Variants in RHPN1 observed in about 807,000 individuals in gnomAD.
RHPN1 encodes rhophilin-1.
Under a neutral mutation model 74.7 loss-of-function variants are expected in RHPN1, and 77 were observed. The observed-to-expected ratio is 1.03, with a 90% CI of 0.86 to 1.25. RHPN1 has a LOEUF of 1.25. Ranked by LOEUF, RHPN1 falls within the 50% of genes most tolerant of loss-of-function variation. The pLI, the probability that RHPN1 is intolerant of heterozygous loss-of-function variation, is 0.00. For synonymous variants in RHPN1, 444 were observed against 414.5 expected (o/e 1.07, Z -0.87); for missense variants, 987 against 932.2 (o/e 1.06, Z -0.77).
rs754081765 is a variant in RHPN1, at chr8:143,380,712, C to T, written c.1340C>T (p.Ser447Leu). 16 of 1,593,318 alleles carry T rather than the reference C, an allele frequency of 1.0e-5. No individual in the cohort carries two copies. Among genetic ancestry groups the T allele is most frequent in the African/African-American group, 1.3e-5 (1 of 74,694 alleles). ...RAVISQTLQRSLAKYAELDRE... is the reference protein window; with the variant it reads ...RAVISQTLQRLLAKYAELDRE... Reference sequence around the variant, plus strand: ...GTGATCTCCCAGACGCTGCAGCGCTCACTGGCCAAGTATGCGGAGCTCGAC... The same window carrying T: ...GTGATCTCCCAGACGCTGCAGCGCTTACTGGCCAAGTATGCGGAGCTCGAC... Residue 447 changes from serine to leucine, a missense_variant, in exon 11 of 15, where the codon TCA becomes TTA. Ser to Leu is a moderately radical substitution (Grantham distance 145). Coordinates refer to ENST00000289013, the MANE Select transcript of RHPN1 (RefSeq NM_052924.3).
chr8:143,375,504 G>T, intron 1 of RHPN1, 49 bp from the exon 2 acceptor site: 1 of 1,361,088 alleles, frequency 7.3e-7, no homozygotes, highest in Non-Finnish European at 1.0e-6. Context: ...GCGCAGCCTG[G>T]TGCGGGCGCC....
At chr8:143,371,080 G>C (rs1364333195) in intron 1 of RHPN1, among the ~76,000 whole-genome samples, 1 of 152,174 alleles carries the variant, frequency 6.6e-6, no homozygotes, top group Non-Finnish European at 1.5e-5. Context: ...CCAGGAAGAG[G>C]GGTGCTCAGG....
At chr8:143,368,158 G>A (rs763528915), upstream of RHPN1, 2 of 153,834 alleles carry the variant, frequency 1.3e-5, no homozygotes, top group Non-Finnish European at 2.9e-5. Flanking sequence ...GGGTTCCAGA[G>A]GCAGGTGCTA....
intron 1 of RHPN1, chr8:143,374,403 A>G (rs1000410340): frequency 1.2e-6 from 1 of 827,104 alleles, no homozygotes; most frequent in Non-Finnish European, 1.5e-6. Context: ...GAGCCACCAG[A>G]GGCCTTGTCT....
chr8:143,383,313 C>T lies in RHPN1; in HGVS notation c.*662C>T, dbSNP rs1174597744. On this transcript the variant is annotated 3_prime_UTR_variant, in exon 15 of 15. Transcript: ENST00000289013. ...CCCAGGTCTCATGGTGGCCCTAAGC[C>T]TGCCAGCCCTGCTGCCCGCCTTGCT... 1 of 152,696 alleles carries T rather than the reference C, an allele frequency of 6.5e-6. No homozygotes were observed. Among genetic ancestry groups the T allele is most frequent in the Non-Finnish European group, 1.5e-5 (1 of 68,412 alleles). 9.5% of individuals were successfully genotyped at this position (152,696 alleles called of 1,614,324 possible).
intron 5 of RHPN1, 91 bp downstream of exon 5, chr8:143,378,437 C>G: frequency 8.9e-7 from 1 of 1,125,372 alleles, no homozygotes; most frequent in Non-Finnish European, 1.3e-6. Context: ...CAGAGGAGCT[C>G]AGCGTAGACA....
At chr8:143,378,382 C>A (rs952267678) in intron 5 of RHPN1, 36 bp downstream of exon 5, 2 of 1,435,308 alleles carry the variant, frequency 1.4e-6, no homozygotes, top group Non-Finnish European at 1.9e-6. Flanking sequence ...CCTCCTGCAG[C>A]CCTGGGAGAC....
upstream of RHPN1, among the ~76,000 whole-genome samples, chr8:143,366,001 C>CA (rs530970414): frequency 0.09 from 6,750 of 74,776 alleles, 576 homozygotes; most frequent in African/African-American, 0.27. Context: ...CACCCTGTCT[C>CA]AAAAAAAAAA....
rs1004411994 is a variant in RHPN1, at chr8:143,380,164, G to A, written c.1205G>A (p.Arg402His). The change falls in exon 10 of 15, where the codon CGC (arginine) becomes CAC (histidine). Residue 402 changes from arginine to histidine, a missense_variant. By Grantham distance (29) the Arg-to-His change is conservative. Transcript: ENST00000289013. ...GTGCTGCCGCAGGAGCTGGAGGAGC[G>A]CAGGCAGCTTGGTAAGGCGCCCATG... ...GPVLPQELEE[R>H]RQLGKAHLKR... is the part of the protein sequence containing the mutation. 1.6e-5 allele frequency: 24 copies of A among 1,542,178 alleles called. No individual in the cohort carries two copies. Among genetic ancestry groups the A allele is most frequent in the African/African-American group, 2.7e-5 (2 of 73,076 alleles).
rs1818229590 is a variant in RHPN1 at position 143,376,538 on chromosome 8, A to C, written c.190A>C (p.Asn64His). 1 of 1,612,258 alleles carries C rather than the reference A, an allele frequency of 6.2e-7. No homozygotes were observed. Among genetic ancestry groups the C allele is most frequent in the Admixed American group, 1.7e-5 (1 of 59,962 alleles). ...GGCCTCCCTCAGAGCCACCAGCAACAACCGGGTGAGAGAGACGGTCGCCCT... is the reference window on the plus strand; with the variant it reads ...GGCCTCCCTCAGAGCCACCAGCAACCACCGGGTGAGAGAGACGGTCGCCCT... ...AENLYRATSNNRVRETVALEL... is the reference protein window; with the variant it reads ...AENLYRATSNHRVRETVALEL... Residue 64 changes from asparagine to histidine, a missense_variant, in exon 3 of 15, where the codon AAC becomes CAC. Coordinates refer to ENST00000289013, the MANE Select transcript of RHPN1 (RefSeq NM_052924.3).
chr8:143,366,285 C>T (rs568854827), upstream of RHPN1, among the ~76,000 whole-genome samples: 14 of 152,300 alleles, frequency 9.2e-5, no homozygotes, highest in Admixed American at 2.0e-4. Flanking sequence ...AAATTCTCCT[C>T]TACTTTCTCA....
At chr8:143,365,586 C>T (rs961833426), upstream of RHPN1, among the ~76,000 whole-genome samples, 2 of 152,230 alleles carry the variant, frequency 1.3e-5, no homozygotes, top group Non-Finnish European at 2.9e-5. Flanking sequence ...GGTCTTCACC[C>T]AGGACATGTG....
chr8:143,378,203 G>A, intron 4 of RHPN1, 66 bp from the exon 5 acceptor site: 6 of 1,334,396 alleles, frequency 4.5e-6, no homozygotes, highest in Non-Finnish European at 6.3e-6. Context: ...AAGGTGGGTT[G>A]GGAGACCTCA....
chr8:143,369,235 A>C (rs961740311), intron 1 of RHPN1, among the ~76,000 whole-genome samples, 188 bp downstream of exon 1: 1 of 152,070 alleles, frequency 6.6e-6, no homozygotes, highest in African/African-American at 2.4e-5. Flanking sequence ...CAGGCCACTC[A>C]TGTGAGCCGG....
rs1184899307 is a variant in RHPN1 at position 143,379,369 on chromosome 8, G to A, written c.806G>A (p.Ser269Asn). 3.7e-6 allele frequency: 6 copies of A among 1,604,358 alleles called. No homozygotes were observed. The highest frequency in any genetic ancestry group is 5.1e-6 in the Non-Finnish European group (6 of 1,175,910). Residue 269 changes from serine to asparagine, a missense_variant, in exon 8 of 15, where the codon AGC becomes AAC. Physicochemically the swap from Ser to Asn is conservative, Grantham distance 46. Transcript: ENST00000289013. ...NFSHAPSPDM[S>N]AASLCALEQL... ...TCCCATGCGCCGAGCCCAGACATGA[G>A]CGCTGCGTCCCTCTGCGCACTGGAG...
intron 1 of RHPN1, among the ~76,000 whole-genome samples, chr8:143,374,719 A>G (rs918146736): frequency 2.6e-5 from 4 of 152,236 alleles, no homozygotes; most frequent in Non-Finnish European, 5.9e-5. Flanking sequence ...CGTGAGGATC[A>G]TGTGGGCAGG....
At chr8:143,370,283 C>T (rs925746004) in intron 1 of RHPN1, among the ~76,000 whole-genome samples, 4 of 152,234 alleles carry the variant, frequency 2.6e-5, no homozygotes, top group Non-Finnish European at 2.9e-5. Context: ...TGCCGTGTCT[C>T]TCACAGCGTC....
At chr8:143,380,393 G>C (rs1279716277) in intron 10 of RHPN1, 196 bp from the exon 11 acceptor site, 3 of 654,404 alleles carry the variant, frequency 4.6e-6, no homozygotes, top group Admixed American at 3.1e-5. Context: ...AGACCACTGG[G>C]AGCAGCTCAT....
intron 2 of RHPN1, among the ~76,000 whole-genome samples, 169 bp from the exon 3 acceptor site, chr8:143,376,356 A>C (rs548075733): frequency 6.6e-6 from 1 of 152,296 alleles, no homozygotes; most frequent in African/African-American, 2.4e-5. Flanking sequence ...GAGCCCCCGG[A>C]TCCCACTGCT....
Sources: allele counts gnomAD v4.1 joint callset (sites outside exome capture counted in the v4.1 genomes callset), GRCh38; gene constraint gnomAD v4.1.1; transcripts MANE v1.5; gene names NCBI Gene and HGNC (gene_info 2026-07-23, HGNC 2026-07-21).